The following PAQR3 variants were observed in gnomAD, a reference collection of about 807,000 sequenced individuals.
PAQR3 encodes progestin and adipoQ receptor family member 3.
Under a neutral mutation model 41.7 loss-of-function variants are expected in PAQR3, and 39 were observed. The observed-to-expected ratio is 0.93, with a 90% confidence interval of 0.72 to 1.22. The LOEUF (loss-of-function observed/expected upper bound fraction) is 1.22, where lower values mean the gene tolerates loss of function less well. Among genes scored for constraint, PAQR3 ranks in the 50% most tolerant of loss-of-function variants. PAQR3 has a pLI of 0.00. For missense variants in PAQR3, 366 were observed against 385.6 expected, an observed-to-expected ratio of 0.95 and a Z score of 0.42; for synonymous variants, 140 against 140.6, an observed-to-expected ratio of 1.00 and a Z score of 0.03.
chr4:78,900,393 C>T (rs192545270), intron 11 of PAQR3, among the ~76,000 whole-genome samples: 131 of 152,038 alleles, frequency 8.6e-4, no homozygotes, highest in African/African-American at 2.7e-3. Context: ...CCTCATTGTT[C>T]AAGGCTCAAC....
At position 78,913,196 on chromosome 4, in the gene PAQR3, T is replaced by G. The variant is rs1189149492; in HGVS notation, c.*7343A>C. 6.6e-6 allele frequency: 1 copy of G among 152,108 alleles called. No homozygotes were observed. Among genetic ancestry groups the G allele is most frequent in the African/African-American group, 2.4e-5 (1 of 41,434 alleles). 9.4% of individuals were successfully genotyped at this position (152,108 alleles called of 1,614,324 possible). A position where few individuals can be genotyped will look rare whatever the true frequency, so the allele number is the denominator to read the frequency against. On this transcript the variant is annotated 3_prime_UTR_variant, in exon 6 of 6. Coordinates refer to ENST00000512733, the MANE Select transcript of PAQR3 (RefSeq NM_001040202.2). ...ATGGTGACACCCACAAAGCCTTATATAAAGGCAGGATTCATGCATCCTGCT... is the reference window on the plus strand; with the variant it reads ...ATGGTGACACCCACAAAGCCTTATAGAAAGGCAGGATTCATGCATCCTGCT...
intron 11 of PAQR3, among the ~76,000 whole-genome samples, chr4:78,892,954 T>C (rs1037912586): frequency 6.6e-6 from 1 of 152,102 alleles, no homozygotes; most frequent in East Asian, 1.9e-4. Context: ...AAAGAAGGGG[T>C]GGCTATGGTA....
intron 5 of PAQR3, chr4:78,921,928 G>A: frequency 1.0e-6 from 1 of 984,886 alleles, no homozygotes; most frequent in Non-Finnish European, 1.2e-6. Context: ...TGTGTCTTGG[G>A]GAAGGTTAAG....
At position 78,920,281 on chromosome 4, in the gene PAQR3, G is replaced by T; in HGVS notation, c.*258C>A. ...TTTCAACACTAGTTTCCCATTCATC[G>T]TTGTTATTCAGATGTTTCTTATGAT... is the stretch of plus-strand genomic sequence containing the variant. On this transcript the variant is annotated 3_prime_UTR_variant, in exon 6 of 6. Coordinates refer to ENST00000512733, the MANE Select transcript of PAQR3 (RefSeq NM_001040202.2). 4.4e-6 allele frequency: 5 copies of T among 1,124,138 alleles called. No individual in the cohort carries two copies. Among genetic ancestry groups the T allele is most frequent in the Non-Finnish European group, 5.4e-6 (5 of 919,658 alleles). 69.6% of individuals were successfully genotyped at this position (1,124,138 alleles called of 1,614,324 possible). A position where few individuals can be genotyped will look rare whatever the true frequency, so the allele number is the denominator to read the frequency against.
chr4:78,938,625 A>G (rs2110182415), intron 1 of PAQR3, among the ~76,000 whole-genome samples: 1 of 152,120 alleles, frequency 6.6e-6, no homozygotes, highest in East Asian at 1.9e-4. Context: ...GTATATGTTA[A>G]CTTGTTTCCT....
downstream of PAQR3, among the ~76,000 whole-genome samples, chr4:78,909,332 A>G (rs571443057): frequency 2.7e-5 from 4 of 150,078 alleles, no homozygotes; most frequent in African/African-American, 4.9e-5. Flanking sequence ...CACCGCACCC[A>G]GCCCCCTTAG....
At position 78,939,146 on chromosome 4, in the gene PAQR3, C is replaced by A; in HGVS notation, c.79G>T (p.Gly27Cys). 1 of 1,613,770 alleles carries A rather than the reference C, an allele frequency of 6.2e-7. No homozygotes were observed. Among genetic ancestry groups the A allele is most frequent in the Non-Finnish European group, 8.5e-7 (1 of 1,179,884 alleles). The change falls in exon 1 of 6, where the codon GGC (glycine) becomes TGC (cysteine). Residue 27 changes from glycine to cysteine, a missense_variant. Physicochemically the swap from Gly to Cys is radical, Grantham distance 159 (BLOSUM62 -3). Transcript: ENST00000512733. The stretch of plus-strand genomic sequence containing the variant: ...TGCTCGTAGGTGTACAGGCGGATGC[C>A]ACGGGGCACCAGGACCGGCCAGTAC... Reference protein sequence around the residue: ...YQYWPVLVPRGIRLYTYEQIP... With the variant: ...YQYWPVLVPRCIRLYTYEQIP...
chr4:78,936,076 A>T (rs539399518), intron 1 of PAQR3, among the ~76,000 whole-genome samples: 12 of 152,270 alleles, frequency 7.9e-5, no homozygotes, highest in Non-Finnish European at 1.5e-4. Context: ...TCCCCACCCT[A>T]CACAAGTCAC....
chr4:78,899,711 AC>A (rs1314694838), intron 11 of PAQR3, among the ~76,000 whole-genome samples: 1 of 151,870 alleles, frequency 6.6e-6, no homozygotes, highest in Non-Finnish European at 1.5e-5. Context: ...CCACAGGGTT[AC>A]AGGGTTAGGG....
chr4:78,921,353 G>A (rs1263458433), intron 5 of PAQR3, among the ~76,000 whole-genome samples: 1 of 151,754 alleles, frequency 6.6e-6, no homozygotes, highest in Non-Finnish European at 1.5e-5. Flanking sequence ...AAAATACAGA[G>A]CTATAATAAT....
In PAQR3 at chr4:78,914,537, A is replaced by C. The variant is rs1734876427; in HGVS notation, c.*6002T>G. Reference sequence around the variant, plus strand: ...TCATGGTCAAGGTGTAGGTCACTCCACACAGCTGATGCTCAGGTTATTCCC... The same window carrying C: ...TCATGGTCAAGGTGTAGGTCACTCCCCACAGCTGATGCTCAGGTTATTCCC... On this transcript the variant is annotated 3_prime_UTR_variant, in exon 6 of 6. Transcript: ENST00000512733. 1 of 151,836 alleles carries C rather than the reference A, an allele frequency of 6.6e-6. No homozygotes were observed. The highest frequency in any genetic ancestry group is 2.1e-4 in the South Asian group (1 of 4,830). 9.4% of individuals were successfully genotyped at this position (151,836 alleles called of 1,614,324 possible).
intron 5 of PAQR3, chr4:78,922,510 A>G: frequency 9.2e-7 from 1 of 1,090,804 alleles, no homozygotes; most frequent in Non-Finnish European, 1.2e-6. Flanking sequence ...AAAAAACATC[A>G]GTTTTATGTA....
chr4:78,903,990 TTC>T (rs1392116956), intron 11 of PAQR3, among the ~76,000 whole-genome samples: 7 of 151,952 alleles, frequency 4.6e-5, no homozygotes, highest in Non-Finnish European at 7.4e-5. Flanking sequence ...GGTCTCAGAT[TTC>T]TTACGTATAA....
intron 3 of PAQR3, among the ~76,000 whole-genome samples, 167 bp downstream of exon 3, chr4:78,930,003 G>A (rs1190320418): frequency 6.6e-6 from 1 of 152,158 alleles, no homozygotes; most frequent in Non-Finnish European, 1.5e-5. Context: ...GATAACAGAT[G>A]TTAGAGATGA....
Position 78,919,337 on chromosome 4 carries a change from A to C in PAQR3, c.*1202T>G. 2 of 983,160 alleles carry C rather than the reference A, an allele frequency of 2.0e-6. No individual in the cohort carries two copies. Among genetic ancestry groups the C allele is most frequent in the Non-Finnish European group, 2.4e-6 (2 of 827,990 alleles). The allele number at this position is 983,160 out of a possible 1,614,324, so 60.9% of individuals were successfully genotyped here. A position where few individuals can be genotyped will look rare whatever the true frequency, so the allele number is the denominator to read the frequency against. Reference sequence around the variant, plus strand: ...GTAAGTTTTTATGAATGTCTACTTTAAGGGATTTAACTAATGCATATGAAA... The same window carrying C: ...GTAAGTTTTTATGAATGTCTACTTTCAGGGATTTAACTAATGCATATGAAA... On this transcript the variant is annotated 3_prime_UTR_variant, in exon 6 of 6. Coordinates refer to ENST00000512733, the MANE Select transcript of PAQR3 (RefSeq NM_001040202.2).
chr4:78,890,505 T>C (rs1733377535), intron 11 of PAQR3, among the ~76,000 whole-genome samples: 2 of 152,206 alleles, frequency 1.3e-5, no homozygotes, highest in South Asian at 4.1e-4. Flanking sequence ...ATTTTTTTAA[T>C]ATGTAAATAT....
At chr4:78,911,115 T>G, downstream of PAQR3, 1 of 1,613,986 alleles carries the variant, frequency 6.2e-7, no homozygotes, top group Non-Finnish European at 8.5e-7. Context: ...AGGAGTTTGA[T>G]GTATTTGGCG....
chr4:78,939,175 T>C lies in PAQR3; in HGVS notation c.50A>G (p.Tyr17Cys), dbSNP rs1172691522. Residue 17 changes from tyrosine to cysteine, a missense_variant, in exon 1 of 6, where the codon TAC becomes TGC. Physicochemically the swap from Tyr to Cys is radical, Grantham distance 194 (BLOSUM62 -2). Coordinates refer to ENST00000512733, the MANE Select transcript of PAQR3 (RefSeq NM_001040202.2). ...GGGCACCAGGACCGGCCAGTACTGG[T>C]AGCTGCCCAGCTCGATGTAATGCGC... Reference protein sequence around the residue: ...KSAHYIELGSYQYWPVLVPRG... With the variant: ...KSAHYIELGSCQYWPVLVPRG... 6.2e-7 allele frequency: 1 copy of C among 1,611,850 alleles called. No homozygotes were observed. Among genetic ancestry groups the C allele is most frequent in the African/African-American group, 1.3e-5 (1 of 74,788 alleles).
In PAQR3 at chr4:78,925,094, C is replaced by T. The variant is rs192653628; in HGVS notation, c.703-1147G>A. Among the ~76,000 whole-genome samples the T allele has an allele frequency of 2.3e-3, 344 of 152,092 alleles. 2 individuals are homozygous for T. Among genetic ancestry groups the T allele is most frequent in the Non-Finnish European group, 2.8e-3 (191 of 67,986 alleles). On this transcript the variant is annotated intron_variant, in intron 4 of 5. Transcript: ENST00000512733. Reference sequence around the variant, plus strand: ...TGAAAGTTTCCCTTTGCTTCCTCACCGGAATGATCTGTGATCACATTAGGA... The same window carrying T: ...TGAAAGTTTCCCTTTGCTTCCTCACTGGAATGATCTGTGATCACATTAGGA...
Sources: gnomAD v4.1 joint callset for allele counts (sites outside exome capture counted in the v4.1 genomes callset) on GRCh38, gnomAD v4.1.1 for gene constraint, MANE v1.5 for transcripts, NCBI Gene and HGNC (gene_info 2026-07-23, HGNC 2026-07-21) for gene names.